RIMS2: variants seen among roughly 807,000 people sequenced by gnomAD.
RIMS2 encodes regulating synaptic membrane exocytosis 2, also known as regulating synaptic membrane exocytosis protein 2.
In RIMS2, 59 loss-of-function variants were observed where a neutral mutation model predicts 174.4. The observed-to-expected ratio is 0.34, with a 90% CI of 0.27 to 0.42. The LOEUF is 0.42. Ranked by LOEUF, RIMS2 falls within the 10% of genes least tolerant of loss-of-function variation. The pLI is 1.00. For synonymous variants in RIMS2, 606 were observed against 572.5 expected, an observed-to-expected ratio of 1.06 and a Z score of -0.84; for missense variants, 1,620 against 1,666.3, an observed-to-expected ratio of 0.97 and a Z score of 0.48.
At chr8:104,017,220 A>C (rs962258522) in intron 19 of RIMS2, among the ~76,000 whole-genome samples, 2 of 151,936 alleles carry the variant, frequency 1.3e-5, no homozygotes, top group African/African-American at 4.8e-5. Context: ...AAAATAGACT[A>C]TCAGTTGATG....
intron 1 of RIMS2, among the ~76,000 whole-genome samples, chr8:103,656,987 C>T (rs746306253): frequency 1.1e-4 from 16 of 152,114 alleles, no homozygotes; most frequent in Admixed American, 2.0e-4. Context: ...GGAAAGTAAC[C>T]ATTCTGAAAT....
intron 19 of RIMS2, among the ~76,000 whole-genome samples, chr8:104,173,213 C>T (rs537548160): frequency 2.0e-5 from 3 of 152,208 alleles, no homozygotes; most frequent in East Asian, 1.9e-4. Context: ...AATACTCATA[C>T]GTTAAAGAAA....
At chr8:103,697,892 G>A (rs2097125777) in intron 2 of RIMS2, among the ~76,000 whole-genome samples, 1 of 152,150 alleles carries the variant, frequency 6.6e-6, no homozygotes, top group Non-Finnish European at 1.5e-5. Flanking sequence ...GGGCATGGTG[G>A]TGTGTGCCTG....
chr8:104,028,082 A>G (rs1168474589), intron 19 of RIMS2, among the ~76,000 whole-genome samples: 1 of 151,848 alleles, frequency 6.6e-6, no homozygotes, highest in African/African-American at 2.4e-5. Flanking sequence ...GGCATATGCC[A>G]CTATGCCTGG....
intron 3 of RIMS2, among the ~76,000 whole-genome samples, chr8:103,830,508 G>C (rs1354799364): frequency 6.6e-6 from 1 of 152,030 alleles, no homozygotes; most frequent in Non-Finnish European, 1.5e-5. Context: ...AAATTTATTA[G>C]GATTTGTTCT....
chr8:103,769,416 C>A (rs138572287), intron 3 of RIMS2, among the ~76,000 whole-genome samples: 1 of 152,100 alleles, frequency 6.6e-6, no homozygotes, highest in African/African-American at 2.4e-5. Context: ...CTCCGCCTCC[C>A]GAGTTCAAGC....
At chr8:103,701,665 T>C (rs1423183654) in intron 2 of RIMS2, among the ~76,000 whole-genome samples, 1 of 152,078 alleles carries the variant, frequency 6.6e-6, no homozygotes, top group African/African-American at 2.4e-5. Flanking sequence ...TGCTCCCACA[T>C]GTGAATGAGA....
At chr8:103,969,124 T>C (rs952681525) in intron 15 of RIMS2, among the ~76,000 whole-genome samples, 2 of 152,040 alleles carry the variant, frequency 1.3e-5, no homozygotes, top group African/African-American at 2.4e-5. Context: ...TCTTTTTCTC[T>C]GTCTTCTTTC....
intron 19 of RIMS2, among the ~76,000 whole-genome samples, chr8:104,123,640 T>C (rs1409963167): frequency 7.6e-6 from 1 of 131,342 alleles, no homozygotes; most frequent in Non-Finnish European, 1.7e-5. Context: ...TGTAAAACAT[T>C]GGTAGATTAC....
intron 19 of RIMS2, among the ~76,000 whole-genome samples, chr8:104,040,816 G>A (rs888662160): frequency 2.0e-5 from 3 of 151,570 alleles, no homozygotes; most frequent in Non-Finnish European, 3.0e-5. Flanking sequence ...TTGTTTTTGT[G>A]TGCACACTGG....
At chr8:103,567,342 T>A (rs957612194) in intron 1 of RIMS2, among the ~76,000 whole-genome samples, 5 of 152,168 alleles carry the variant, frequency 3.3e-5, no homozygotes, top group African/African-American at 1.2e-4. Context: ...CAGCCACCAA[T>A]CTGGCAACCA....
intron 14 of RIMS2, among the ~76,000 whole-genome samples, chr8:103,953,745 A>C (rs978899844): frequency 6.6e-6 from 1 of 152,158 alleles, no homozygotes; most frequent in Non-Finnish European, 1.5e-5. Flanking sequence ...AAATTCACAC[A>C]TAACAATATT....
intron 1 of RIMS2, among the ~76,000 whole-genome samples, chr8:103,612,933 C>T (rs1184855397): frequency 6.6e-6 from 1 of 152,192 alleles, no homozygotes; most frequent in Non-Finnish European, 1.5e-5. Context: ...TGCTGAGCCA[C>T]CTGGAACTGG....
intron 3 of RIMS2, among the ~76,000 whole-genome samples, chr8:103,840,797 AACCTT>A (rs929334491): frequency 3.9e-5 from 6 of 152,150 alleles, no homozygotes; most frequent in Admixed American, 3.9e-4. Flanking sequence ...TCAAGAGCAA[AACCTT>A]AATTAAAAAG....
chr8:103,506,367 T>G (rs1162476404), intron 1 of RIMS2, among the ~76,000 whole-genome samples: 1 of 152,144 alleles, frequency 6.6e-6, no homozygotes, highest in African/African-American at 2.4e-5. Context: ...TGGAAGCAAG[T>G]GTGATAAACC....
intron 19 of RIMS2, among the ~76,000 whole-genome samples, chr8:104,036,206 G>A (rs1169696420): frequency 3.3e-5 from 5 of 151,238 alleles, no homozygotes; most frequent in African/African-American, 7.3e-5. Flanking sequence ...GCTGGAGTGC[G>A]GTGGTGCATT....
chr8:104,223,613 C>G (rs1468007827), intron 19 of RIMS2: 1 of 1,549,620 alleles, frequency 6.5e-7, no homozygotes, highest in Non-Finnish European at 8.7e-7. Flanking sequence ...CAAGACGCCG[C>G]GTATCTTGTA....
At chr8:103,598,902 TTTA>T (rs1484486963) in intron 1 of RIMS2, among the ~76,000 whole-genome samples, 1 of 151,632 alleles carries the variant, frequency 6.6e-6, no homozygotes, top group Non-Finnish European at 1.5e-5. Context: ...AGATAGGATC[TTTA>T]TTTTTTTTTT....
intron 3 of RIMS2, among the ~76,000 whole-genome samples, chr8:103,870,577 A>G (rs2099106566): frequency 6.6e-6 from 1 of 151,978 alleles, no homozygotes; most frequent in Non-Finnish European, 1.5e-5. Flanking sequence ...AAATATATTT[A>G]TTTATTGGTC....
Sources: gnomAD v4.1 joint callset for allele counts (sites outside exome capture counted in the v4.1 genomes callset) on GRCh38, gnomAD v4.1.1 for gene constraint, MANE v1.5 for transcripts, NCBI Gene and HGNC (gene_info 2026-07-23, HGNC 2026-07-21) for gene names.